Variants in SRP19 observed in about 807,000 individuals in gnomAD.
SRP19 encodes the protein signal recognition particle 19.
In SRP19, 11 loss-of-function variants were observed where a neutral mutation model predicts 22.4. The ratio of observed to expected loss-of-function variants is 0.49; its 90% confidence interval spans 0.31 to 0.81. The LOEUF (loss-of-function observed/expected upper bound fraction) is 0.81, where lower values mean the gene tolerates loss of function less well. Ranked by LOEUF, SRP19 falls within the 40% of genes least tolerant of loss-of-function variation. The probability of loss-of-function intolerance (pLI) is 0.05; values close to 1 mark genes in which losing one functional copy is unlikely to be tolerated. For synonymous variants in SRP19, 61 were observed against 57.6 expected, an observed-to-expected ratio of 1.06 and a Z score of -0.27; for missense variants, 168 against 175.9, an observed-to-expected ratio of 0.96 and a Z score of 0.25.
At chr5:112,894,630 C>T (rs1768622682), downstream of SRP19, 2 of 152,192 alleles carry the variant, frequency 1.3e-5, no homozygotes, top group African/African-American at 2.4e-5. Flanking sequence ...GCACACAGAG[C>T]AATTGTTACT....
intron 1 of SRP19, chr5:112,862,287 A>C (rs1767429841): frequency 3.4e-6 from 2 of 589,870 alleles, no homozygotes; most frequent in Non-Finnish European, 6.0e-6. Flanking sequence ...GATCAATCAG[A>C]AAGAGGAGTA....
exon 5 of SRP19, chr5:112,892,786 C>T (rs746786471): frequency 8.5e-5 from 137 of 1,613,510 alleles, no homozygotes; most frequent in Non-Finnish European, 1.1e-4. Flanking sequence ...CAGCAGGCAG[C>T]GGGGAAGGAG....
intron 4 of SRP19, among the ~76,000 whole-genome samples, chr5:112,865,796 G>A (rs1767583824): frequency 6.6e-6 from 1 of 152,198 alleles, no homozygotes; most frequent in East Asian, 1.9e-4. Context: ...GTTTCGCCAT[G>A]TTGGCCAGAA....
At chr5:112,873,718 G>T (rs1047138661), downstream of SRP19, among the ~76,000 whole-genome samples, 4 of 152,036 alleles carry the variant, frequency 2.6e-5, no homozygotes, top group Non-Finnish European at 2.9e-5. Flanking sequence ...TCAGTTCATG[G>T]ATGTAATTTA....
chr5:112,864,410 T>C, intron 2 of SRP19, 47 bp from the exon 3 acceptor site: 1 of 1,495,588 alleles, frequency 6.7e-7, no homozygotes, highest in Non-Finnish European at 9.3e-7. Flanking sequence ...TATGGCAGTG[T>C]CCACTTAAAG....
In SRP19 at chr5:112,868,058, A is replaced by C. The variant is rs566993965; in HGVS notation, c.*521A>C. On this transcript the variant is annotated 3_prime_UTR_variant, in exon 5 of 5. Transcript: ENST00000505459. ...GTGGGGGACAGGGGAGTCTGTAAAAAGCCAGTCTGTAGATGATATTTTAAT... is the reference window on the plus strand; with the variant it reads ...GTGGGGGACAGGGGAGTCTGTAAAACGCCAGTCTGTAGATGATATTTTAAT... 14 of 985,548 alleles carry C rather than the reference A, an allele frequency of 1.4e-5. No homozygotes were observed. In the African/African-American group the frequency reaches 2.4e-4, roughly 17 times the overall value. The allele number at this position is 985,548 out of a possible 1,614,324, so 61.1% of individuals were successfully genotyped here. A position where few individuals can be genotyped will look rare whatever the true frequency, so the allele number is the denominator to read the frequency against.
intron 4 of SRP19, among the ~76,000 whole-genome samples, chr5:112,879,584 C>G (rs891241041): frequency 3.3e-5 from 5 of 152,140 alleles, no homozygotes; most frequent in African/African-American, 1.2e-4. Flanking sequence ...TGCCATTCTC[C>G]TGCCTCAGCC....
At chr5:112,878,992 GGGTTT>G (rs1478525732) in intron 4 of SRP19, among the ~76,000 whole-genome samples, 1 of 151,912 alleles carries the variant, frequency 6.6e-6, no homozygotes, top group Non-Finnish European at 1.5e-5. Flanking sequence ...TGGGCTAAGA[GGGTTT>G]CCAGGAAATG....
intron 4 of SRP19, among the ~76,000 whole-genome samples, chr5:112,866,132 C>G (rs370841813): frequency 9.2e-6 from 1 of 108,944 alleles, no homozygotes; most frequent in Non-Finnish European, 1.9e-5. Flanking sequence ...TTTTTTTTTT[C>G]TGAGACAGAG....
chr5:112,878,006 TG>T (rs1767950503), intron 4 of SRP19: 2 of 148,886 alleles, frequency 1.3e-5, no homozygotes, highest in South Asian at 4.4e-4. Flanking sequence ...TGTGTGTGTG[TG>T]TGTGTGTGTG....
rs1305733655 is a variant in SRP19 at position 112,891,694 on chromosome 5, C to T, written c.*87C>T. ...CAAGAAGATGACATTTCCAGAGAAA[C>T]CAAGCCACAAAAAGTACAGGGCCGC... On this transcript the variant is annotated 3_prime_UTR_variant, in exon 5 of 5. Transcript: ENST00000391338. 3.1e-6 allele frequency: 5 copies of T among 1,613,896 alleles called. No individual in the cohort carries two copies. The South Asian group carries it at 3.3e-5, about 11-fold the overall frequency.
intron 4 of SRP19, among the ~76,000 whole-genome samples, chr5:112,889,985 C>G (rs1400924876): frequency 6.6e-6 from 1 of 150,398 alleles, no homozygotes; most frequent in Non-Finnish European, 1.5e-5. Context: ...CACCACCATG[C>G]CCAGCTAATT....
rs548676996 is a variant in SRP19 at position 112,890,826 on chromosome 5, T to C, written c.302-777T>C. 1.7e-4 allele frequency among the ~76,000 whole-genome samples: 26 copies of C among 150,898 alleles called. 1 individual carries two copies. Among genetic ancestry groups the C allele is most frequent in the African/African-American group, 5.4e-4 (22 of 40,604 alleles). On this transcript the variant is annotated intron_variant, in intron 4 of 4. Transcript: ENST00000391338. Reference sequence around the variant, plus strand: ...TGCCATTTACTAGCTAAGCAAACCTTATACAAGTTACTTAATCACTTAAGT... The same window carrying C: ...TGCCATTTACTAGCTAAGCAAACCTCATACAAGTTACTTAATCACTTAAGT...
At chr5:112,879,346 C>T (rs916087202) in intron 4 of SRP19, among the ~76,000 whole-genome samples, 1 of 42,356 alleles carries the variant, frequency 2.4e-5, no homozygotes, top group Non-Finnish European at 5.1e-5. Flanking sequence ...GCTGGGGGGG[C>T]GGTGGGGGAG....
At chr5:112,888,828 A>G (rs923064038) in intron 4 of SRP19, among the ~76,000 whole-genome samples, 1 of 150,714 alleles carries the variant, frequency 6.6e-6, no homozygotes, top group African/African-American at 2.5e-5. Context: ...GGAGACTGAC[A>G]TGGTTTAGCT....
In SRP19 at chr5:112,892,613, G is replaced by A. The variant is rs1335213879; in HGVS notation, c.*1006G>A. On this transcript the variant is annotated 3_prime_UTR_variant, in exon 5 of 5. Transcript: ENST00000391338. ...TGTGGTTTATTTGAAATACAACAAT[G>A]TCCAAGAGGAAAACACTGCAACTTT... 3.7e-6 allele frequency: 6 copies of A among 1,614,180 alleles called. No individual in the cohort carries two copies. The South Asian group carries it at 6.6e-5, about 18-fold the overall frequency.
In SRP19 at chr5:112,864,361, C is replaced by T. The variant is rs1580713225; in HGVS notation, c.118-96C>T. The T allele has an allele frequency of 7.5e-6, 8 of 1,068,470 alleles. No individual in the cohort carries two copies. In the East Asian group the frequency reaches 1.9e-4, roughly 26 times the overall value. 66.2% of individuals were successfully genotyped at this position (1,068,470 alleles called of 1,614,324 possible). The stretch of plus-strand genomic sequence containing the variant: ...AAAAAGGAAACCTAGGGTTTTGGTA[C>T]TTGTTTGATTATAGTATTTGAAATT... On this transcript the variant is annotated intron_variant, in intron 2 of 4. Coordinates refer to ENST00000505459, the MANE Select transcript of SRP19 (RefSeq NM_003135.3).
intron 4 of SRP19, among the ~76,000 whole-genome samples, chr5:112,890,398 T>C (rs967636141): frequency 6.7e-6 from 1 of 150,034 alleles, no homozygotes; most frequent in Non-Finnish European, 1.5e-5. Flanking sequence ...AAAAAGGGTT[T>C]CACTTTGTCA....
downstream of SRP19, chr5:112,894,100 G>A (rs1768597147): frequency 1.3e-5 from 2 of 149,906 alleles, no homozygotes; most frequent in African/African-American, 5.0e-5. Context: ...CCTTTTGGTT[G>A]GTTTTGTTTT....
Sources: allele counts gnomAD v4.1 joint callset (sites outside exome capture counted in the v4.1 genomes callset), GRCh38; gene constraint gnomAD v4.1.1; transcripts MANE v1.5; gene names NCBI Gene and HGNC (gene_info 2026-07-23, HGNC 2026-07-21).